Variants in HSPA4 observed in about 807,000 individuals in gnomAD.
HSPA4 encodes the protein heat shock protein family A (Hsp70) member 4.
Under a neutral mutation model 106.2 loss-of-function variants are expected in HSPA4, and 25 were observed. That is an observed-to-expected ratio of 0.24 (90% CI 0.17 to 0.33). HSPA4 has a LOEUF of 0.33. HSPA4 is among the 10% of genes least tolerant of loss of function. The probability of loss-of-function intolerance (pLI) is 1.00; values close to 1 mark genes in which losing one functional copy is unlikely to be tolerated. For missense variants in HSPA4, 841 were observed against 996.0 expected (o/e 0.84, Z 2.10); for synonymous variants, 332 against 333.6 (o/e 1.00, Z 0.05).
chr5:133,084,864 A>G (rs905033961), intron 7 of HSPA4, among the ~76,000 whole-genome samples: 6 of 151,616 alleles, frequency 4.0e-5, no homozygotes, highest in Non-Finnish European at 7.4e-5. Context: ...CTGGAGTGCA[A>G]TGGGTTGATC....
chr5:133,088,143 A>G (rs1008843311), intron 8 of HSPA4, among the ~76,000 whole-genome samples: 3 of 152,128 alleles, frequency 2.0e-5, no homozygotes, highest in Admixed American at 2.0e-4. Flanking sequence ...GGACCTGTAC[A>G]CTGCAGTACA....
chr5:133,056,617 T>G (rs1032608737), intron 1 of HSPA4, among the ~76,000 whole-genome samples: 4 of 152,254 alleles, frequency 2.6e-5, no homozygotes, highest in Admixed American at 1.3e-4. Flanking sequence ...TCAAACAGGT[T>G]ATTTCTAACT....
intron 1 of HSPA4, among the ~76,000 whole-genome samples, chr5:133,061,463 A>T (rs1765242069): frequency 6.6e-6 from 1 of 151,604 alleles, no homozygotes; most frequent in Admixed American, 6.6e-5. Context: ...CCAACCCCTG[A>T]TTGATTTTAG....
Position 133,055,307 on chromosome 5 carries a change from A to ATTTTTTTTTTTTTTTTTTT in HSPA4, c.107+2963_107+2981dup, listed in dbSNP as rs397999293. On this transcript the variant is annotated intron_variant, in intron 1 of 18. Transcript: ENST00000304858. The stretch of plus-strand genomic sequence containing the variant: ...ATAGAAAATGGTAGCAGGAAGGTTG[A>ATTTTTTTTTTTTTTTTTTT]TTTTTTTTTTTTTTTTTTTTTTTTT... Among the ~76,000 whole-genome samples, 13 of 60,106 alleles carry ATTTTTTTTTTTTTTTTTTT rather than the reference A, an allele frequency of 2.2e-4. 2 individuals carry two copies. Among genetic ancestry groups the ATTTTTTTTTTTTTTTTTTT allele is most frequent in the Non-Finnish European group, 3.1e-4 (10 of 32,048 alleles). 39.4% of individuals were successfully genotyped at this position (60,106 alleles called of 152,430 possible). A position where few individuals can be genotyped will look rare whatever the true frequency, so the allele number is the denominator to read the frequency against.
chr5:133,060,702 T>G (rs899032184), intron 1 of HSPA4, among the ~76,000 whole-genome samples: 5 of 152,096 alleles, frequency 3.3e-5, no homozygotes, highest in African/African-American at 9.7e-5. Context: ...TTGATCATAT[T>G]CTGTTTTCAG....
chr5:133,065,939 A>ATG (rs1289962616), intron 2 of HSPA4, among the ~76,000 whole-genome samples: 4 of 152,164 alleles, frequency 2.6e-5, no homozygotes, highest in Admixed American at 6.5e-5. Context: ...CTGTTTTTGA[A>ATG]TGGGGCAGGG....
intron 11 of HSPA4, 79 bp from the exon 12 acceptor site, chr5:133,091,114 T>C (rs1294692815): frequency 8.6e-7 from 1 of 1,157,320 alleles, no homozygotes; most frequent in Non-Finnish European, 1.3e-6. Flanking sequence ...GTAGACATAA[T>C]CTAGCAATGT....
Position 133,091,299 on chromosome 5 carries a change from A to C in HSPA4, c.1485A>C (p.Ala495=). The change falls in exon 12 of 19, where the codon GCA becomes GCC. Residue 495 remains alanine (A), a synonymous_variant. Transcript: ENST00000304858. ...ATGGCATTTTCAGTGTGTCCAGTGC[A>C]TCTTTAGTGGAGGTTCACAAGTCTG... ...NVHGIFSVSS[A]SLVEVHKSEE... 2.5e-6 allele frequency: 4 copies of C among 1,614,084 alleles called. No individual in the cohort carries two copies. Among genetic ancestry groups the C allele is most frequent in the Non-Finnish European group, 3.4e-6 (4 of 1,179,924 alleles).
intron 3 of HSPA4, 143 bp from the exon 4 acceptor site, chr5:133,070,230 GA>G (rs1765364095): frequency 1.5e-5 from 12 of 789,298 alleles, no homozygotes; most frequent in Middle Eastern, 2.9e-4. Context: ...GTATTACTTC[GA>G]AAACTAGCTT....
At position 133,073,248 on chromosome 5, in the gene HSPA4, G is replaced by C. The variant is rs1391800156; in HGVS notation, c.448G>C (p.Asp150His). ...CVVSVPCFYTDAERRSVMDAT... is the reference protein window; with the variant it reads ...CVVSVPCFYTHAERRSVMDAT... Reference sequence around the variant, plus strand: ...TTTGTAGGTTCCTTGTTTCTATACTGATGCAGAAAGACGATCAGTGATGGA... The same window carrying C: ...TTTGTAGGTTCCTTGTTTCTATACTCATGCAGAAAGACGATCAGTGATGGA... The change falls in exon 5 of 19, where the codon GAT becomes CAT. Residue 150 changes from aspartate to histidine, a missense_variant. Coordinates refer to ENST00000304858, the MANE Select transcript of HSPA4 (RefSeq NM_002154.4). 6.3e-7 allele frequency: 1 copy of C among 1,598,978 alleles called. No homozygotes were observed. The highest frequency in any genetic ancestry group is 8.5e-7 in the Non-Finnish European group (1 of 1,171,914).
At chr5:133,095,589 T>G (rs559613432) in intron 13 of HSPA4, among the ~76,000 whole-genome samples, 2 of 152,362 alleles carry the variant, frequency 1.3e-5, no homozygotes, top group South Asian at 4.1e-4. Context: ...ATGTTACTAC[T>G]GATCCATAGA....
At chr5:133,066,179 G>C (rs997335101) in intron 2 of HSPA4, among the ~76,000 whole-genome samples, 1 of 152,180 alleles carries the variant, frequency 6.6e-6, no homozygotes, top group Non-Finnish European at 1.5e-5. Context: ...TGGCTGCCCA[G>C]TTCTAGGTTG....
intron 7 of HSPA4, among the ~76,000 whole-genome samples, chr5:133,083,548 AT>A (rs1025499251): frequency 5.9e-5 from 9 of 151,740 alleles, no homozygotes; most frequent in African/African-American, 2.2e-4. Context: ...TATTATTATT[AT>A]TTTTTGAGAT....
intron 2 of HSPA4, 84 bp downstream of exon 2, chr5:133,065,121 C>A: frequency 1.8e-6 from 2 of 1,118,326 alleles, no homozygotes; most frequent in Non-Finnish European, 2.7e-6. Flanking sequence ...CCATTATGTG[C>A]CTAACACTGG....
chr5:133,063,679 C>G (rs1003057061), intron 1 of HSPA4, among the ~76,000 whole-genome samples: 1 of 149,572 alleles, frequency 6.7e-6, no homozygotes, highest in African/African-American at 2.5e-5. Context: ...GTGATCTGCC[C>G]GCCTCGGCCC....
intron 1 of HSPA4, among the ~76,000 whole-genome samples, chr5:133,053,885 C>G (rs752397792): frequency 3.3e-5 from 5 of 150,780 alleles, no homozygotes; most frequent in Non-Finnish European, 5.9e-5. Context: ...GTCTCGAACT[C>G]CTGACCTCAA....
intron 7 of HSPA4, among the ~76,000 whole-genome samples, chr5:133,079,591 C>T (rs976706896): frequency 6.6e-6 from 1 of 152,076 alleles, no homozygotes; most frequent in Non-Finnish European, 1.5e-5. Context: ...GTGCTATGGA[C>T]ATTTGTGAAC....
At chr5:133,054,400 C>T (rs547749421) in intron 1 of HSPA4, among the ~76,000 whole-genome samples, 12 of 152,002 alleles carry the variant, frequency 7.9e-5, no homozygotes, top group Non-Finnish European at 1.2e-4. Flanking sequence ...GACAGGGTTT[C>T]ACCATGTTGG....
At position 133,106,070 on chromosome 5, in the gene HSPA4, C is replaced by A. The variant is rs557586518; in HGVS notation, c.*1634C>A. On this transcript the variant is annotated 3_prime_UTR_variant, in exon 19 of 19. Transcript: ENST00000304858. ...CCAACCCTTTACAACTGGCCCAGAC[C>A]GTAATGGCCATTTCTTCTTAAAAAA... 1.4e-5 allele frequency: 2 copies of A among 140,494 alleles called. No individual in the cohort carries two copies. The highest frequency in any genetic ancestry group is 3.0e-5 in the Non-Finnish European group (2 of 66,438). The allele number at this position is 140,494 out of a possible 1,614,324, so 8.7% of individuals were successfully genotyped here.
Sources: allele counts gnomAD v4.1 joint callset (sites outside exome capture counted in the v4.1 genomes callset), GRCh38; gene constraint gnomAD v4.1.1; transcripts MANE v1.5; gene names NCBI Gene and HGNC (gene_info 2026-07-23, HGNC 2026-07-21).